Variants in GCH1 observed in about 807,000 individuals in gnomAD.
GCH1 encodes GTP cyclohydrolase 1, also known as GTP cyclohydrolase I.
In GCH1, 5 loss-of-function variants were observed where a neutral mutation model predicts 25.9. That is an observed-to-expected ratio of 0.19 (90% confidence interval 0.10 to 0.41). The LOEUF is 0.41. Ranked by LOEUF, GCH1 falls within the 10% of genes least tolerant of loss-of-function variation. The probability of loss-of-function intolerance (pLI) is 1.00; values close to 1 mark genes in which losing one functional copy is unlikely to be tolerated. For missense variants in GCH1, 261 were observed against 336.5 expected (o/e 0.78, Z 1.75); for synonymous variants, 159 against 129.6 (o/e 1.23, Z -1.54).
intron 5 of GCH1, 117 bp downstream of exon 5, chr14:54,845,651 C>T: frequency 2.6e-6 from 2 of 760,986 alleles, no homozygotes; most frequent in South Asian, 1.4e-5. Context: ...TGGAAATCTA[C>T]AGTTATCATA....
Position 54,893,407 on chromosome 14 carries a change from CAT to C in GCH1, c.343+8912_343+8913del, listed in dbSNP as rs147221759. The stretch of plus-strand genomic sequence containing the variant: ...AATACTAGACTCAAATTACAGTCCT[CAT>C]ATAGAAATCACTGGCAAATGAGTCA... On this transcript the variant is annotated intron_variant, in intron 1 of 5. Transcript: ENST00000491895. Among the ~76,000 whole-genome samples, 1,438 of 152,226 alleles carry C rather than the reference CAT, an allele frequency of 9.4e-3. 27 individuals carry two copies. Among genetic ancestry groups the C allele is most frequent in the African/African-American group, 0.033 (1,351 of 41,522 alleles).
chr14:54,902,689 G>A lies in GCH1; in HGVS notation c.-26C>T, dbSNP rs1319698958. 3.0e-5 allele frequency: 43 copies of A among 1,434,124 alleles called. No homozygotes were observed. Among genetic ancestry groups the A allele is most frequent in the Admixed American group, 8.7e-5 (3 of 34,438 alleles). 88.8% of individuals were successfully genotyped at this position (1,434,124 alleles called of 1,614,324 possible). A position where few individuals can be genotyped will look rare whatever the true frequency, so the allele number is the denominator to read the frequency against. On this transcript the variant is annotated 5_prime_UTR_variant, in exon 1 of 6. Coordinates refer to ENST00000491895, the MANE Select transcript of GCH1 (RefSeq NM_000161.3). ...GGACCCGCCGCAGCCGCTGCCGTTC[G>A]GGAAGGACCCCGGGGCGCTTCGAGG...
intron 2 of GCH1, 28 bp downstream of exon 2, chr14:54,865,299 T>C (rs746474291): frequency 1.0e-5 from 11 of 1,071,268 alleles, no homozygotes; most frequent in Non-Finnish European, 1.6e-5. Flanking sequence ...TGTTTTAAAT[T>C]GCTGGGAAAC....
At chr14:54,873,018 A>G (rs899637807) in intron 1 of GCH1, among the ~76,000 whole-genome samples, 2 of 151,944 alleles carry the variant, frequency 1.3e-5, no homozygotes, top group Non-Finnish European at 2.9e-5. Flanking sequence ...AGACATCTAC[A>G]GAACTCTCCA....
At chr14:54,867,921 G>A (rs541683868) in intron 1 of GCH1, among the ~76,000 whole-genome samples, 86 of 152,258 alleles carry the variant, frequency 5.6e-4, no homozygotes, top group South Asian at 3.3e-3. Context: ...TAACTTGGTG[G>A]AGAAACCTGG....
intron 5 of GCH1, 65 bp from the exon 6 acceptor site, chr14:54,844,208 C>A (rs1479314815): frequency 3.8e-6 from 4 of 1,048,988 alleles, no homozygotes; most frequent in Non-Finnish European, 6.0e-6. Context: ...TTTTTAAAAG[C>A]AGGCCTAAAG....
chr14:54,893,272 T>C (rs1437673604), intron 1 of GCH1, among the ~76,000 whole-genome samples: 2 of 152,230 alleles, frequency 1.3e-5, no homozygotes, highest in African/African-American at 2.4e-5. Flanking sequence ...TTTGTTTGCA[T>C]AACCTGGAAC....
intron 5 of GCH1, 109 bp downstream of exon 5, chr14:54,845,659 A>T (rs937681618): frequency 1.3e-6 from 1 of 771,930 alleles, no homozygotes; most frequent in Non-Finnish European, 2.4e-6. Context: ...TACAGTTATC[A>T]TATCAGTTGT....
rs2039579069 is a variant in GCH1, at chr14:54,842,882, G to A, written c.*1135C>T. On this transcript the variant is annotated 3_prime_UTR_variant, in exon 6 of 6. Coordinates refer to ENST00000491895, the MANE Select transcript of GCH1 (RefSeq NM_000161.3). ...ACCATCTATACGGAGTTACAATGAG[G>A]ACAAGACCCACATAGACCACAAAGG... The A allele has an allele frequency of 1.8e-6, 1 of 544,704 alleles. No individual in the cohort carries two copies. Among genetic ancestry groups the A allele is most frequent in the African/African-American group, 1.9e-5 (1 of 52,050 alleles). The allele number at this position is 544,704 out of a possible 1,614,324, so 33.7% of individuals were successfully genotyped here. A position where few individuals can be genotyped will look rare whatever the true frequency, so the allele number is the denominator to read the frequency against.
intron 3 of GCH1, among the ~76,000 whole-genome samples, chr14:54,858,165 G>A (rs1454925076): frequency 6.6e-6 from 1 of 151,750 alleles, no homozygotes; most frequent in African/African-American, 2.4e-5. Flanking sequence ...ACACAGAATT[G>A]AGAAATATCA....
At chr14:54,849,252 C>T (rs573605909) in intron 3 of GCH1, among the ~76,000 whole-genome samples, 1 of 152,096 alleles carries the variant, frequency 6.6e-6, no homozygotes, top group African/African-American at 2.4e-5. Context: ...TATTTCTAAA[C>T]CCTAGTTTAT....
intron 1 of GCH1, among the ~76,000 whole-genome samples, chr14:54,900,692 C>G (rs113237857): frequency 5.9e-5 from 9 of 152,152 alleles, no homozygotes; most frequent in African/African-American, 2.2e-4. Flanking sequence ...GTAATTAGAT[C>G]CATGCTAGAT....
intron 1 of GCH1, among the ~76,000 whole-genome samples, chr14:54,874,112 G>A (rs1185338389): frequency 3.9e-5 from 6 of 152,138 alleles, no homozygotes; most frequent in Middle Eastern, 3.2e-3. Flanking sequence ...CTGGCTAACC[G>A]AATCCAGCAG....
chr14:54,851,104 G>A (rs1438819518), intron 3 of GCH1, among the ~76,000 whole-genome samples: 1 of 152,294 alleles, frequency 6.6e-6, no homozygotes, highest in East Asian at 1.9e-4. Flanking sequence ...TCTGATCTTT[G>A]ACAAACATGA....
chr14:54,862,231 C>CA (rs1369775272), intron 2 of GCH1, among the ~76,000 whole-genome samples: 1 of 152,050 alleles, frequency 6.6e-6, no homozygotes, highest in Non-Finnish European at 1.5e-5. Context: ...GTGGTAGAGA[C>CA]AGTCTCACTT....
chr14:54,850,940 C>G (rs1050058925), intron 3 of GCH1, among the ~76,000 whole-genome samples: 1 of 152,160 alleles, frequency 6.6e-6, no homozygotes, highest in African/African-American at 2.4e-5. Flanking sequence ...AATAAACATA[C>G]GTGTGCATGT....
At position 54,897,790 on chromosome 14, in the gene GCH1, G is replaced by A. The variant is rs148783199; in HGVS notation, c.343+4531C>T. ...GCCTTGTCATGGGGATAAGAGAAAT[G>A]TTTACTTGAAAACTGGAAGATGAAC... On this transcript the variant is annotated intron_variant, in intron 1 of 5. Transcript: ENST00000491895. 9.6e-3 allele frequency among the ~76,000 whole-genome samples: 1,466 copies of A among 152,250 alleles called. 10 individuals carry two copies. The highest frequency in any genetic ancestry group is 0.014 in the Admixed American group (219 of 15,290).
intron 1 of GCH1, among the ~76,000 whole-genome samples, chr14:54,884,440 T>A (rs2040317247): frequency 6.6e-6 from 1 of 152,158 alleles, no homozygotes; most frequent in Non-Finnish European, 1.5e-5. Context: ...TCCCTTCTCT[T>A]TTAGAGCATT....
intron 2 of GCH1, among the ~76,000 whole-genome samples, chr14:54,863,483 G>C (rs1238164640): frequency 1.4e-5 from 1 of 70,992 alleles, no homozygotes; most frequent in Non-Finnish European, 2.6e-5. Context: ...ATTGACAGCA[G>C]TATTGTTTGT....
Sources: allele counts gnomAD v4.1 joint callset (sites outside exome capture counted in the v4.1 genomes callset), GRCh38; gene constraint gnomAD v4.1.1; transcripts MANE v1.5; gene names NCBI Gene and HGNC (gene_info 2026-07-23, HGNC 2026-07-21).